The following FBXL8 variants were observed in gnomAD, a reference collection of about 807,000 sequenced individuals.
FBXL8 encodes F-box and leucine rich repeat protein 8.
A neutral mutation model predicts 8.2 loss-of-function variants in FBXL8; 13 were observed. That is an observed-to-expected ratio of 1.58 (90% CI 1.03 to 2.51). The LOEUF (loss-of-function observed/expected upper bound fraction) is 2.51, where lower values mean the gene tolerates loss of function less well. Among genes scored for constraint, FBXL8 ranks in the 30% most tolerant of loss-of-function variants. The pLI, the probability that FBXL8 is intolerant of heterozygous loss-of-function variation, is 0.00. For missense variants in FBXL8, 565 were observed against 540.4 expected (o/e 1.05, Z -0.45); for synonymous variants, 271 against 260.5 (o/e 1.04, Z -0.39).
chr16:67,161,742 C>CTATT lies in FBXL8; in HGVS notation c.-43_-40dup. The CTATT allele has an allele frequency of 6.5e-7, 1 of 1,536,308 alleles. No individual in the cohort carries two copies. Among genetic ancestry groups the CTATT allele is most frequent in the South Asian group, 1.2e-5 (1 of 81,426 alleles). Reference sequence around the variant, plus strand: ...ACGTCCGTCTCTCTCCAGGCCGGAGCTATTGGGAGTGGCGGATCCTCCCAC... The same window carrying CTATT: ...ACGTCCGTCTCTCTCCAGGCCGGAGCTATTTATTGGGAGTGGCGGATCCTCCCAC... On this transcript the variant is annotated 5_prime_UTR_variant, in exon 2 of 3. Coordinates refer to ENST00000258200, the MANE Select transcript of FBXL8 (RefSeq NM_018378.3).
At position 67,163,610 on chromosome 16, in the gene FBXL8, G is replaced by A. The variant is rs764415475; in HGVS notation, c.915G>A (p.Ala305=). Residue 305 remains alanine (A), a synonymous_variant, in exon 3 of 3, where the codon GCG becomes GCA. Coordinates refer to ENST00000258200, the MANE Select transcript of FBXL8 (RefSeq NM_018378.3). ...AAHHYAATLC[A]LEVRAAASAE... is the part of the protein sequence containing the mutation. ...ACCACTACGCCGCAACCCTGTGCGCGCTCGAGGTGCGCGCAGCCGCTTCGG... is the reference window on the plus strand; with the variant it reads ...ACCACTACGCCGCAACCCTGTGCGCACTCGAGGTGCGCGCAGCCGCTTCGG... 5 of 1,568,426 alleles carry A rather than the reference G, an allele frequency of 3.2e-6. No individual in the cohort carries two copies. Among genetic ancestry groups the A allele is most frequent in the East Asian group, 4.7e-5 (2 of 42,488 alleles).
chr16:67,161,576 G>A, intron 1 of FBXL8, 159 bp from the exon 2 acceptor site: 1 of 499,622 alleles, frequency 2.0e-6, no homozygotes, highest in Non-Finnish European at 3.4e-6. Context: ...AGGTGAGGCG[G>A]TGAAATCTGC....
At position 67,163,741 on chromosome 16, in the gene FBXL8, C is replaced by A; in HGVS notation, c.1046C>A (p.Ala349Glu). ...CACTCGGTGCTGGACGCCTTCCGCG[C>A]GCACTGCCCGCGCCTGCGCACCTAT... ...VSHSVLDAFRAHCPRLRTYTL... is the reference protein window; with the variant it reads ...VSHSVLDAFREHCPRLRTYTL... Residue 349 changes from alanine to glutamate, a missense_variant, in exon 3 of 3, where the codon GCG becomes GAG. Ala to Glu is a moderately radical substitution (Grantham distance 107). Coordinates refer to ENST00000258200, the MANE Select transcript of FBXL8 (RefSeq NM_018378.3). 6.3e-7 allele frequency: 1 copy of A among 1,592,014 alleles called. No individual in the cohort carries two copies. The highest frequency in any genetic ancestry group is 1.7e-5 in the Admixed American group (1 of 59,032).
Position 67,163,413 on chromosome 16 carries a change from G to T in FBXL8, c.718G>T (p.Glu240Ter), listed in dbSNP as rs1283858109. 2 of 1,537,370 alleles carry T rather than the reference G, an allele frequency of 1.3e-6. No homozygotes were observed. Among genetic ancestry groups the T allele is most frequent in the Non-Finnish European group, 1.7e-6 (2 of 1,147,256 alleles). ...EDARASPLPN[E>*]AWVALRRRHP... ...TGCACGCGCGTCCCCGCTGCCCAAC[G>T]AAGCCTGGGTCGCGTTGCGCCGCCG... Residue 240 changes from glutamate (E) to a stop codon, truncating the protein, a stop_gained, in exon 3 of 3, where the codon GAA becomes TAA. Transcript: ENST00000258200. LOFTEE classifies it low-confidence loss of function (END_TRUNC).
Position 67,161,860 on chromosome 16 carries a change from T to C in FBXL8, c.75T>C (p.Arg25=), listed in dbSNP as rs138440769. ...LIFRHLSLRD[R]AAAARVCRAW... is the part of the protein sequence containing the mutation. ...TCCGCCACCTGTCCCTGAGAGACCG[T>C]GCTGCCGCCGCCAGGGTCTGCAGGG... Residue 25 remains arginine, a synonymous_variant, in exon 2 of 3, where the codon CGT becomes CGC. Coordinates refer to ENST00000258200, the MANE Select transcript of FBXL8 (RefSeq NM_018378.3). 52 of 1,610,652 alleles carry C rather than the reference T, an allele frequency of 3.2e-5. No homozygotes were observed. Among genetic ancestry groups the C allele is most frequent in the Non-Finnish European group, 4.2e-5 (49 of 1,178,854 alleles).
rs1470405305 is a variant in FBXL8, at chr16:67,163,438, G to A, written c.743G>A (p.Arg248His). The change falls in exon 3 of 3, where the codon CGC becomes CAC. Residue 248 changes from arginine to histidine, a missense_variant. Physicochemically the swap from Arg to His is conservative, Grantham distance 29. Transcript: ENST00000258200. ...PNEAWVALRR[R>H]HPGLAVELEL... is the part of the protein sequence containing the mutation. The stretch of plus-strand genomic sequence containing the variant: ...GAAGCCTGGGTCGCGTTGCGCCGCC[G>A]CCACCCTGGGCTGGCAGTGGAGCTG... 2.0e-6 allele frequency: 3 copies of A among 1,535,556 alleles called. No homozygotes were observed. Among genetic ancestry groups the A allele is most frequent in the Non-Finnish European group, 2.6e-6 (3 of 1,146,656 alleles).
chr16:67,161,549 G>T, intron 1 of FBXL8, 186 bp from the exon 2 acceptor site: 1 of 447,790 alleles, frequency 2.2e-6, no homozygotes, highest in South Asian at 4.5e-5. Flanking sequence ...TACCCTTTCC[G>T]GAGAGCCTGA....
Position 67,163,026 on chromosome 16 carries a change from C to G in FBXL8, c.331C>G (p.Arg111Gly). Residue 111 changes from arginine (R) to glycine (G), a missense_variant, in exon 3 of 3, where the codon CGC becomes GGC. Arg to Gly is a moderately radical substitution (Grantham distance 125). Transcript: ENST00000258200. ...GCTGCGAGGCCTGCGCCTGGAGTGC[C>G]GCGGAGAAAAACCGCTCTTCGACGC... The part of the protein sequence containing the change: ...PGLRGLRLEC[R>G]GEKPLFDAGR... 6.4e-7 allele frequency: 1 copy of G among 1,558,988 alleles called. No individual in the cohort carries two copies. Among genetic ancestry groups the G allele is most frequent in the Non-Finnish European group, 8.7e-7 (1 of 1,151,414 alleles).
chr16:67,161,891 G>A lies in FBXL8; in HGVS notation c.106G>A (p.Ala36Thr), dbSNP rs1239446359. The A allele has an allele frequency of 6.2e-7, 1 of 1,610,712 alleles. No individual in the cohort carries two copies. The highest frequency in any genetic ancestry group is 1.3e-5 in the African/African-American group (1 of 74,896). ...AAAARVCRAWAAAATCSAVWH... is the reference protein window; with the variant it reads ...AAAARVCRAWTAAATCSAVWH... ...CGCCGCCAGGGTCTGCAGGGCCTGG[G>A]CCGCCGCTGCTACCTGCAGCGCCGT... Residue 36 changes from alanine (A) to threonine (T), a missense_variant, in exon 2 of 3, where the codon GCC becomes ACC. Coordinates refer to ENST00000258200, the MANE Select transcript of FBXL8 (RefSeq NM_018378.3).
chr16:67,163,399 C>T lies in FBXL8; in HGVS notation c.704C>T (p.Ser235Phe). The change falls in exon 3 of 3, where the codon TCC (serine) becomes TTC (phenylalanine). Residue 235 changes from serine (S) to phenylalanine (F), a missense_variant. Ser to Phe is a radical substitution (Grantham distance 155). Transcript: ENST00000258200. ...RCACPEDARA[S>F]PLPNEAWVAL... is the part of the protein sequence containing the mutation. ...GCGTGCCCCGAAGATGCACGCGCGT[C>T]CCCGCTGCCCAACGAAGCCTGGGTC... 6.5e-7 allele frequency: 1 copy of T among 1,538,652 alleles called. No homozygotes were observed. The highest frequency in any genetic ancestry group is 1.9e-5 in the Admixed American group (1 of 51,538).
At position 67,163,502 on chromosome 16, in the gene FBXL8, C is replaced by T; in HGVS notation, c.807C>T (p.Arg269=). 1 of 1,543,854 alleles carries T rather than the reference C, an allele frequency of 6.5e-7. No individual in the cohort carries two copies. The highest frequency in any genetic ancestry group is 8.7e-7 in the Non-Finnish European group (1 of 1,151,940). The part of the protein sequence containing the change: ...EPALPAESVT[R]VLQPAVPVAA... ...CGCTGCCCGCTGAGAGCGTGACGCGCGTCCTGCAGCCAGCCGTCCCCGTGG... is the reference window on the plus strand; with the variant it reads ...CGCTGCCCGCTGAGAGCGTGACGCGTGTCCTGCAGCCAGCCGTCCCCGTGG... The change falls in exon 3 of 3, where the codon CGC becomes CGT. Residue 269 remains arginine, a synonymous_variant. Transcript: ENST00000258200.
intron 2 of FBXL8, chr16:67,162,419 C>A (rs987849136): frequency 1.7e-6 from 1 of 598,422 alleles, no homozygotes; most frequent in South Asian, 2.0e-5. Context: ...TAATTTAATC[C>A]TTATGAAAAC....
Position 67,163,331 on chromosome 16 carries a change from G to A in FBXL8, c.636G>A (p.Ala212=), listed in dbSNP as rs753952456. The change falls in exon 3 of 3, where the codon GCG becomes GCA. Residue 212 remains alanine (A), a synonymous_variant. Transcript: ENST00000258200. ...SLSHAILEAL[A]APDRAPFALL... Reference sequence around the variant, plus strand: ...CGCACGCCATCCTCGAAGCACTGGCGGCGCCAGACCGAGCGCCTTTCGCGC... The same window carrying A: ...CGCACGCCATCCTCGAAGCACTGGCAGCGCCAGACCGAGCGCCTTTCGCGC... 1.9e-6 allele frequency: 3 copies of A among 1,568,934 alleles called. No homozygotes were observed. Among genetic ancestry groups the A allele is most frequent in the Non-Finnish European group, 2.6e-6 (3 of 1,161,380 alleles).
chr16:67,163,148 C>A lies in FBXL8; in HGVS notation c.453C>A (p.Asp151Glu), dbSNP rs750529470. 62 of 1,568,556 alleles carry A rather than the reference C, an allele frequency of 4.0e-5. No homozygotes were observed. Among genetic ancestry groups the A allele is most frequent in the Middle Eastern group, 3.3e-4 (2 of 6,046 alleles). ...DLRRLSFTLD[D>E]ALVLQAARSC... ...GGCGCTTGTCCTTCACACTGGACGA[C>A]GCGCTGGTGCTGCAGGCGGCGCGCA... is the stretch of plus-strand genomic sequence containing the variant. Residue 151 changes from aspartate to glutamate, a missense_variant, in exon 3 of 3, where the codon GAC (aspartate) becomes GAA (glutamate). Asp to Glu is a conservative substitution (Grantham distance 45). Transcript: ENST00000258200.
In FBXL8 at chr16:67,163,844, C is replaced by T; in HGVS notation, c.*24C>T. The T allele has an allele frequency of 1.3e-6, 2 of 1,526,650 alleles. No homozygotes were observed. The highest frequency in any genetic ancestry group is 1.7e-6 in the Non-Finnish European group (2 of 1,145,948). The allele number at this position is 1,526,650 out of a possible 1,614,324, so 94.6% of individuals were successfully genotyped here. ...GATTGGGCGACTTCTCTCCCCCGTC[C>T]CCGTGGACGTAAGCGCTCTGAGAGG... On this transcript the variant is annotated 3_prime_UTR_variant, in exon 3 of 3. Coordinates refer to ENST00000258200, the MANE Select transcript of FBXL8 (RefSeq NM_018378.3).
rs1332713508 is a variant in FBXL8 at position 67,163,517 on chromosome 16, C to T, written c.822C>T (p.Ala274=). 2.6e-6 allele frequency: 4 copies of T among 1,553,390 alleles called. No homozygotes were observed. The highest frequency in any genetic ancestry group is 1.8e-5 in the Admixed American group (1 of 54,450). The change falls in exon 3 of 3, where the codon GCC becomes GCT. Residue 274 remains alanine, a synonymous_variant. Transcript: ENST00000258200. The part of the protein sequence containing the change: ...AESVTRVLQP[A]VPVAALRLNL... Reference sequence around the variant, plus strand: ...GCGTGACGCGCGTCCTGCAGCCAGCCGTCCCCGTGGCTGCGCTGCGCCTCA... The same window carrying T: ...GCGTGACGCGCGTCCTGCAGCCAGCTGTCCCCGTGGCTGCGCTGCGCCTCA...
At position 67,163,791 on chromosome 16, in the gene FBXL8, C is replaced by T. The variant is rs1233942933; in HGVS notation, c.1096C>T (p.His366Tyr). ...TACCCTCAAGCTCACGCGCGAGCCG[C>T]ATCCCTGGAGGCCTACGCTCGTGGC... ...TYTLKLTREP[H>Y]PWRPTLVA Residue 366 changes from histidine (H) to tyrosine (Y), a missense_variant, in exon 3 of 3, where the codon CAT becomes TAT. By Grantham distance (83) the His-to-Tyr change is moderately conservative (BLOSUM62 2). Coordinates refer to ENST00000258200, the MANE Select transcript of FBXL8 (RefSeq NM_018378.3). 1.3e-6 allele frequency: 2 copies of T among 1,566,278 alleles called. No homozygotes were observed. Among genetic ancestry groups the T allele is most frequent in the Non-Finnish European group, 1.7e-6 (2 of 1,164,978 alleles).
At position 67,163,372 on chromosome 16, in the gene FBXL8, G is replaced by C; in HGVS notation, c.677G>C (p.Cys226Ser). 1 of 1,545,088 alleles carries C rather than the reference G, an allele frequency of 6.5e-7. No individual in the cohort carries two copies. The highest frequency in any genetic ancestry group is 2.4e-5 in the East Asian group (1 of 41,608). ...RAPFALLALR[C>S]ACPEDARASP... ...CCTTTCGCGCTCTTGGCTCTGCGGT[G>C]CGCGTGCCCCGAAGATGCACGCGCG... The change falls in exon 3 of 3, where the codon TGC (cysteine) becomes TCC (serine). Residue 226 changes from cysteine (C) to serine (S), a missense_variant. Transcript: ENST00000258200.
In FBXL8 at chr16:67,163,859, G is replaced by T. The variant is rs1038106353; in HGVS notation, c.*39G>T. The T allele has an allele frequency of 1.4e-6, 2 of 1,478,100 alleles. No homozygotes were observed. Among genetic ancestry groups the T allele is most frequent in the African/African-American group, 3.5e-5 (2 of 57,508 alleles). 91.6% of individuals were successfully genotyped at this position (1,478,100 alleles called of 1,614,324 possible). A position where few individuals can be genotyped will look rare whatever the true frequency, so the allele number is the denominator to read the frequency against. On this transcript the variant is annotated 3_prime_UTR_variant, in exon 3 of 3. Transcript: ENST00000258200. ...CTCCCCCGTCCCCGTGGACGTAAGC[G>T]CTCTGAGAGGGAACGGGGGGGGTGT... is the stretch of plus-strand genomic sequence containing the variant.
Sources: allele counts gnomAD v4.1 joint callset, GRCh38; gene constraint gnomAD v4.1.1; transcripts MANE v1.5; gene names NCBI Gene and HGNC (gene_info 2026-07-23, HGNC 2026-07-21).